AK9: variants seen among roughly 807,000 people sequenced by gnomAD.
AK9 encodes the protein adenylate kinase domain containing 1.
Under a neutral mutation model 239.6 loss-of-function variants are expected in AK9, and 191 were observed. That is an observed-to-expected ratio of 0.80 (90% CI 0.71 to 0.90). The LOEUF is 0.90. Ranked by LOEUF, AK9 falls within the 40% of genes least tolerant of loss-of-function variation. AK9 has a pLI of 0.00. For missense variants in AK9, 1,995 were observed against 2,214.7 expected (o/e 0.90, Z 1.99); for synonymous variants, 689 against 721.0 (o/e 0.96, Z 0.71).
At position 109,554,539 on chromosome 6, in the gene AK9, T is replaced by C. The variant is rs1164296190; in HGVS notation, c.2752-4237A>G. ...GTATTTCTTTTCTTTTTTTTTTTTTTTTTTTTTTTGGAGAAAAAGTCTCAT... is the reference window on the plus strand; with the variant it reads ...GTATTTCTTTTCTTTTTTTTTTTTTCTTTTTTTTTGGAGAAAAAGTCTCAT... On this transcript the variant is annotated intron_variant, in intron 24 of 40. Coordinates refer to ENST00000424296, the MANE Select transcript of AK9 (RefSeq NM_001145128.3). Among the ~76,000 whole-genome samples, 50 of 138,372 alleles carry C rather than the reference T, an allele frequency of 3.6e-4. 1 individual carries two copies. Among genetic ancestry groups the C allele is most frequent in the African/African-American group, 1.5e-3 (50 of 32,444 alleles). 90.8% of individuals were successfully genotyped at this position (138,372 alleles called of 152,430 possible).
intron 8 of AK9, among the ~76,000 whole-genome samples, chr6:109,650,073 C>A (rs549021416): frequency 1.5e-4 from 23 of 152,276 alleles, no homozygotes; most frequent in Admixed American, 8.5e-4. Context: ...ACACCTCATA[C>A]AAAAATTAAT....
At chr6:109,521,374 A>G (rs562914105) in intron 29 of AK9, among the ~76,000 whole-genome samples, 9 of 151,940 alleles carry the variant, frequency 5.9e-5, no homozygotes, top group Non-Finnish European at 1.3e-4. Context: ...TTATTTTGTA[A>G]TCGAGTGCTT....
At position 109,529,018 on chromosome 6, in the gene AK9, C is replaced by CT. The variant is rs778351035; in HGVS notation, c.3625dup (p.Arg1209LysfsTer7). 23 of 1,601,372 alleles carry CT rather than the reference C, an allele frequency of 1.4e-5. No homozygotes were observed. Among genetic ancestry groups the CT allele is most frequent in the African/African-American group, 4.0e-5 (3 of 74,388 alleles). ...AAAAACAAAACTACTTACCTCCCTCCTTTTTTTATCTCTCTCTAATATAAG... is the reference window on the plus strand; with the variant it reads ...AAAAACAAAACTACTTACCTCCCTCCTTTTTTTTATCTCTCTCTAATATAAG... On this transcript the variant is annotated frameshift_variant, in exon 29 of 41. Transcript: ENST00000424296. LOFTEE classifies it high-confidence loss of function.
chr6:109,573,665 G>A, intron 20 of AK9, 71 bp from the exon 21 acceptor site: 1 of 1,396,524 alleles, frequency 7.2e-7, no homozygotes, highest in Non-Finnish European at 9.6e-7. Flanking sequence ...GTTGATAAGT[G>A]CTGAAGCCAA....
At chr6:109,550,949 A>C (rs958985073) in intron 24 of AK9, among the ~76,000 whole-genome samples, 2 of 152,124 alleles carry the variant, frequency 1.3e-5, no homozygotes, top group Non-Finnish European at 2.9e-5. Context: ...AAAAAGTGAA[A>C]ATCTCTTTTC....
intron 29 of AK9, among the ~76,000 whole-genome samples, chr6:109,517,607 T>C (rs184091176): frequency 2.4e-4 from 36 of 152,218 alleles, no homozygotes; most frequent in African/African-American, 8.2e-4. Context: ...GTTAGAAAAA[T>C]GTCTGGCATA....
chr6:109,609,341 CATCT>C (rs1394105385), intron 17 of AK9, among the ~76,000 whole-genome samples: 1 of 152,160 alleles, frequency 6.6e-6, no homozygotes, highest in Non-Finnish European at 1.5e-5. Flanking sequence ...ACCTCATACA[CATCT>C]ATCTGCCACT....
rs563159751 is a variant in AK9, at chr6:109,529,167, G to A, written c.3571-94C>T. ...TATTTTTATATAAAGTAGGAATAACGTTTGGGCAGAAGCACAGTGAACTTT... is the reference window on the plus strand; with the variant it reads ...TATTTTTATATAAAGTAGGAATAACATTTGGGCAGAAGCACAGTGAACTTT... On this transcript the variant is annotated intron_variant, in intron 28 of 40. Transcript: ENST00000424296. 5.8e-5 allele frequency: 80 copies of A among 1,367,620 alleles called. No homozygotes were observed. The African/African-American group carries it at 8.8e-4, about 15-fold the overall frequency. 84.7% of individuals were successfully genotyped at this position (1,367,620 alleles called of 1,614,324 possible). A position where few individuals can be genotyped will look rare whatever the true frequency, so the allele number is the denominator to read the frequency against.
chr6:109,499,130 A>C lies in AK9; in HGVS notation c.4960T>G (p.Phe1654Val). Reference sequence around the variant, plus strand: ...AAGGAGTCAGTTGCAGAGCAATCAAATAATTCCTGGGATTCTGCCAGGCTG... The same window carrying C: ...AAGGAGTCAGTTGCAGAGCAATCAACTAATTCCTGGGATTCTGCCAGGCTG... ...PVSLAESQELFDCSATDSLEF... is the reference protein window; with the variant it reads ...PVSLAESQELVDCSATDSLEF... Residue 1654 changes from phenylalanine (F) to valine (V), a missense_variant, in exon 36 of 41, where the codon TTT (phenylalanine) becomes GTT (valine). By Grantham distance (50) the Phe-to-Val change is conservative. This residue lies in a region of AK9 where 391 missense variants were observed against 456.0 expected (regional missense o/e 0.86). Transcript: ENST00000424296. The C allele has an allele frequency of 6.2e-7, 1 of 1,610,860 alleles. No individual in the cohort carries two copies. Among genetic ancestry groups the C allele is most frequent in the Non-Finnish European group, 8.5e-7 (1 of 1,178,462 alleles).
intron 21 of AK9, among the ~76,000 whole-genome samples, chr6:109,567,618 C>A (rs1786752208): frequency 6.6e-6 from 1 of 150,952 alleles, no homozygotes; most frequent in South Asian, 2.1e-4. Flanking sequence ...TCATTCTCAG[C>A]AAAATATCGC....
At chr6:109,677,231 C>T (rs1003994205) in intron 1 of AK9, among the ~76,000 whole-genome samples, 12 of 151,896 alleles carry the variant, frequency 7.9e-5, no homozygotes, top group Admixed American at 3.3e-4. Context: ...ACATGTACCC[C>T]GAACCTAAAA....
intron 28 of AK9, among the ~76,000 whole-genome samples, chr6:109,530,589 A>T (rs1781100330): frequency 6.6e-6 from 1 of 152,218 alleles, no homozygotes; most frequent in Admixed American, 6.5e-5. Context: ...ACTCATACAC[A>T]TTCCGAGTCT....
At chr6:109,523,159 T>C (rs1780050937) in intron 29 of AK9, among the ~76,000 whole-genome samples, 1 of 152,178 alleles carries the variant, frequency 6.6e-6, no homozygotes. Context: ...TTTTTCTTAC[T>C]TTGCTTTGGC....
chr6:109,642,472 A>G (rs947781220), intron 9 of AK9, among the ~76,000 whole-genome samples: 4 of 152,126 alleles, frequency 2.6e-5, no homozygotes, highest in Admixed American at 2.0e-4. Context: ...CACTAATGTC[A>G]AGCTTCTCCA....
At chr6:109,533,532 A>G in intron 27 of AK9, 62 bp from the exon 28 acceptor site, 1 of 1,339,142 alleles carries the variant, frequency 7.5e-7, no homozygotes, top group Non-Finnish European at 1.0e-6. Flanking sequence ...TGTGTTCATT[A>G]ATTTGACTGT....
rs775583178 is a variant in AK9 at position 109,674,207 on chromosome 6, G to A, written c.172C>T (p.Arg58Cys). Residue 58 changes from arginine to cysteine, a missense_variant, in exon 3 of 41, where the codon CGT becomes TGT. Physicochemically the swap from Arg to Cys is radical, Grantham distance 180. Transcript: ENST00000424296. The stretch of plus-strand genomic sequence containing the variant: ...AAAAGATAAAATTTACCTTCAACAC[G>A]AATACATTTCCATGCCTGTGTTATG... The part of the protein sequence containing the change: ...RYITQAWKCI[R>C]VEALPILEEQ... The A allele has an allele frequency of 5.1e-6, 8 of 1,573,432 alleles. No homozygotes were observed. The highest frequency in any genetic ancestry group is 2.7e-5 in the African/African-American group (2 of 73,168).
intron 7 of AK9, among the ~76,000 whole-genome samples, chr6:109,657,483 A>G (rs1223067334): frequency 5.9e-5 from 9 of 152,026 alleles, no homozygotes; most frequent in Non-Finnish European, 1.0e-4. Context: ...GGTTATCTAG[A>G]GAAATGGAAT....
chr6:109,612,351 T>C (rs962576801), intron 15 of AK9, among the ~76,000 whole-genome samples: 22 of 152,224 alleles, frequency 1.4e-4, no homozygotes, highest in African/African-American at 4.8e-4. Flanking sequence ...GTGCCCTTCC[T>C]GAGGCAACTA....
At chr6:109,623,186 T>C (rs1026703921) in intron 12 of AK9, among the ~76,000 whole-genome samples, 1 of 152,202 alleles carries the variant, frequency 6.6e-6, no homozygotes, top group Non-Finnish European at 1.5e-5. Flanking sequence ...AATTCCTTTA[T>C]CTGACACATA....
Sources: allele counts gnomAD v4.1 joint callset (sites outside exome capture counted in the v4.1 genomes callset), GRCh38; gene constraint gnomAD v4.1.1; regional missense constraint gnomAD v4.1.1; transcripts MANE v1.5; gene names NCBI Gene and HGNC (gene_info 2026-07-23, HGNC 2026-07-21).